CYP7B1: variants seen among roughly 807,000 people sequenced by gnomAD.
CYP7B1 encodes the protein cytochrome P450 family 7 subfamily B member 1, also known as cytochrome P450 7B1.
In CYP7B1, 29 loss-of-function variants were observed where a neutral mutation model predicts 42.7. That is an observed-to-expected ratio of 0.68 (90% confidence interval 0.51 to 0.93). The LOEUF is 0.93. CYP7B1 is among the 40% of genes least tolerant of loss of function. The pLI, the probability that CYP7B1 is intolerant of heterozygous loss-of-function variation, is 0.00. For missense variants in CYP7B1, 655 were observed against 600.5 expected (o/e 1.09, Z -0.95); for synonymous variants, 235 against 218.2 (o/e 1.08, Z -0.68).
chr8:64,712,646 C>T (rs577278215), intron 1 of CYP7B1, among the ~76,000 whole-genome samples: 6 of 150,940 alleles, frequency 4.0e-5, no homozygotes, highest in Admixed American at 6.6e-5. Flanking sequence ...TTATATATAT[C>T]ATTATATATA....
At chr8:64,652,038 A>G (rs933700517) in intron 1 of CYP7B1, among the ~76,000 whole-genome samples, 1 of 152,206 alleles carries the variant, frequency 6.6e-6, no homozygotes, top group African/African-American at 2.4e-5. Flanking sequence ...TGAATCACAT[A>G]TAATTTTACC....
chr8:64,672,814 T>C (rs1806386211), intron 1 of CYP7B1, among the ~76,000 whole-genome samples: 1 of 152,126 alleles, frequency 6.6e-6, no homozygotes, highest in South Asian at 2.1e-4. Flanking sequence ...AGTATGTTAA[T>C]AGTTAAGACC....
chr8:64,656,033 G>C (rs1806115422), intron 1 of CYP7B1, among the ~76,000 whole-genome samples: 1 of 152,072 alleles, frequency 6.6e-6, no homozygotes, highest in South Asian at 2.1e-4. Flanking sequence ...GGAGGAGGGA[G>C]AGGAGCAGAA....
intron 1 of CYP7B1, among the ~76,000 whole-genome samples, chr8:64,787,392 G>A (rs1325432553): frequency 2.6e-5 from 4 of 152,134 alleles, no homozygotes; most frequent in Non-Finnish European, 5.9e-5. Flanking sequence ...TCTGGGGCCG[G>A]GGCAAAATGC....
intron 1 of CYP7B1, among the ~76,000 whole-genome samples, chr8:64,744,677 C>A (rs1419788786): frequency 6.6e-6 from 1 of 152,188 alleles, no homozygotes; most frequent in Non-Finnish European, 1.5e-5. Flanking sequence ...GAGATGTACT[C>A]TGCAAACCCA....
chr8:64,743,141 C>T (rs1807593913), intron 1 of CYP7B1, among the ~76,000 whole-genome samples: 1 of 151,858 alleles, frequency 6.6e-6, no homozygotes. Flanking sequence ...AACAAATAAA[C>T]AAAAAAACAA....
intron 1 of CYP7B1, among the ~76,000 whole-genome samples, chr8:64,652,759 G>A (rs1806059353): frequency 6.6e-6 from 1 of 152,138 alleles, no homozygotes; most frequent in East Asian, 1.9e-4. Context: ...CAGGAGAATG[G>A]CGTGAACCCG....
chr8:64,707,382 T>G (rs540108162), intron 1 of CYP7B1, among the ~76,000 whole-genome samples: 1 of 152,098 alleles, frequency 6.6e-6, no homozygotes, highest in Admixed American at 6.6e-5. Flanking sequence ...TTCATAGTCA[T>G]AGTATGGGCC....
At chr8:64,795,044 G>C (rs567016114) in intron 1 of CYP7B1, among the ~76,000 whole-genome samples, 1 of 151,794 alleles carries the variant, frequency 6.6e-6, no homozygotes, top group African/African-American at 2.4e-5. Flanking sequence ...TTCGAAAAGT[G>C]TCAATTTTCC....
chr8:64,776,393 C>G (rs1307849138), intron 1 of CYP7B1, among the ~76,000 whole-genome samples: 1 of 152,040 alleles, frequency 6.6e-6, no homozygotes, highest in Non-Finnish European at 1.5e-5. Context: ...CTTTAAGTTG[C>G]TGACAAATAA....
At position 64,669,013 on chromosome 8, in the gene CYP7B1, A is replaced by G. The variant is rs536408058; in HGVS notation, c.123-44474T>C. ...ATAACGGTAACTCTGCTAAACAGAT[A>G]TACTTAAAAATGGGTACCATTTTGT... On this transcript the variant is annotated intron_variant, in intron 1 of 5. Transcript: ENST00000310193. Among the ~76,000 whole-genome samples, 7 of 152,330 alleles carry G rather than the reference A, an allele frequency of 4.6e-5. No individual in the cohort carries two copies. In the South Asian group the frequency reaches 1.4e-3, roughly 32 times the overall value.
intron 1 of CYP7B1, among the ~76,000 whole-genome samples, chr8:64,778,222 CATGTGTGTGTAT>C (rs988127654): frequency 1.5e-5 from 2 of 134,194 alleles, no homozygotes; most frequent in Non-Finnish European, 3.2e-5. Context: ...TATATTTATA[CATGTGTGTGTAT>C]ATGTAGTGTA....
chr8:64,737,987 C>T (rs2129633222), intron 1 of CYP7B1, among the ~76,000 whole-genome samples: 1 of 152,286 alleles, frequency 6.6e-6, no homozygotes, highest in African/African-American at 2.4e-5. Context: ...AGTCTTTTTG[C>T]TTTCCTGTCT....
intron 1 of CYP7B1, among the ~76,000 whole-genome samples, chr8:64,624,951 C>CCTTTTTTTTTTTT (rs1805586879): frequency 1.9e-5 from 1 of 54,022 alleles, no homozygotes; most frequent in African/African-American, 1.0e-4. Context: ...TTATATCATT[C>CCTTTTTTTTTTTT]TTTTTTTTTT....
intron 1 of CYP7B1, among the ~76,000 whole-genome samples, chr8:64,701,391 T>C (rs1206935520): frequency 6.6e-6 from 1 of 152,070 alleles, no homozygotes; most frequent in Non-Finnish European, 1.5e-5. Context: ...TCTTTCTTTA[T>C]GGGCATAATC....
intron 1 of CYP7B1, among the ~76,000 whole-genome samples, chr8:64,669,367 T>A (rs1010082714): frequency 6.6e-6 from 1 of 152,094 alleles, no homozygotes; most frequent in African/African-American, 2.4e-5. Context: ...TCCCCCTCCA[T>A]GTATGTACAA....
chr8:64,596,714 G>C lies in CYP7B1; in HGVS notation c.1449C>G (p.Asn483Lys). Reference protein sequence around the residue: ...EIIDDKPIGLNYSRLLFGIQY... With the variant: ...EIIDDKPIGLKYSRLLFGIQY... The stretch of plus-strand genomic sequence containing the variant: ...GAATACCAAACAACAAGCGGCTGTA[G>C]TTTAGTCCTATGGGCTTATCATCAA... Residue 483 changes from asparagine (N) to lysine (K), a missense_variant, in exon 6 of 6, where the codon AAC (asparagine) becomes AAG (lysine). By Grantham distance (94) the Asn-to-Lys change is moderately conservative (BLOSUM62 0). Transcript: ENST00000310193. 1.2e-6 allele frequency: 2 copies of C among 1,613,802 alleles called. No homozygotes were observed. The highest frequency in any genetic ancestry group is 1.7e-6 in the Non-Finnish European group (2 of 1,179,858).
At chr8:64,713,383 C>T (rs1267758441) in intron 1 of CYP7B1, among the ~76,000 whole-genome samples, 1 of 150,566 alleles carries the variant, frequency 6.6e-6, no homozygotes, top group Non-Finnish European at 1.5e-5. Context: ...AAAAAAAAAT[C>T]AATCTATCAA....
At chr8:64,698,040 T>C (rs552913685) in intron 1 of CYP7B1, among the ~76,000 whole-genome samples, 3 of 152,328 alleles carry the variant, frequency 2.0e-5, no homozygotes, top group Admixed American at 2.0e-4. Context: ...TCAAATAAAA[T>C]GTTCAACGTA....
Sources: gnomAD v4.1 joint callset for allele counts (sites outside exome capture counted in the v4.1 genomes callset) on GRCh38, gnomAD v4.1.1 for gene constraint, MANE v1.5 for transcripts, NCBI Gene and HGNC (gene_info 2026-07-23, HGNC 2026-07-21) for gene names.